Variants in TEN1 observed in about 807,000 individuals in gnomAD.
TEN1 encodes the protein TEN1 subunit of CST complex.
Under a neutral mutation model 9.3 loss-of-function variants are expected in TEN1, and 6 were observed. The observed-to-expected ratio is 0.65, with a 90% confidence interval of 0.35 to 1.27. TEN1 has a LOEUF of 1.27. Ranked by LOEUF, TEN1 falls within the 50% of genes most tolerant of loss-of-function variation. The probability of loss-of-function intolerance (pLI) is 0.03; values close to 1 mark genes in which losing one functional copy is unlikely to be tolerated. For missense variants in TEN1, 149 were observed against 158.2 expected (o/e 0.94, Z 0.31); for synonymous variants, 65 against 65.6 (o/e 0.99, Z 0.04).
At chr17:75,998,169 CT>C (rs1555622204) in intron 3 of TEN1, among the ~76,000 whole-genome samples, 406 of 135,646 alleles carry the variant, frequency 3.0e-3, no homozygotes, top group Middle Eastern at 0.027. Context: ...TTTTTTTTTC[CT>C]TTTTTTTTTT....
At chr17:75,989,053 G>A (rs545235938) in intron 2 of TEN1, among the ~76,000 whole-genome samples, 1 of 152,130 alleles carries the variant, frequency 6.6e-6, no homozygotes, top group African/African-American at 2.4e-5. Flanking sequence ...TTACAGGCGT[G>A]AGCCACCACG....
At chr17:75,980,793 C>A (rs529889852) in intron 1 of TEN1, among the ~76,000 whole-genome samples, 1 of 152,188 alleles carries the variant, frequency 6.6e-6, no homozygotes, top group Non-Finnish European at 1.5e-5. Context: ...GCATAACATT[C>A]ATAATTTGAA....
At chr17:75,980,515 C>A (rs2066110168) in intron 1 of TEN1, among the ~76,000 whole-genome samples, 2 of 151,848 alleles carry the variant, frequency 1.3e-5, no homozygotes, top group East Asian at 1.9e-4. Flanking sequence ...GCAACCTCCA[C>A]CCCCTGGGTT....
At chr17:75,986,331 AT>A in intron 2 of TEN1, 47 bp downstream of exon 2, 3 of 1,432,980 alleles carry the variant, frequency 2.1e-6, no homozygotes, top group Non-Finnish European at 2.8e-6. Flanking sequence ...GATATGTTAA[AT>A]GTCTTTCTCT....
chr17:75,981,044 C>G (rs2066115400), intron 1 of TEN1, among the ~76,000 whole-genome samples: 2 of 152,106 alleles, frequency 1.3e-5, no homozygotes, highest in South Asian at 4.1e-4. Flanking sequence ...CTTAATGTAA[C>G]AATGATAAGG....
At chr17:75,982,295 A>C (rs1215481367) in intron 1 of TEN1, among the ~76,000 whole-genome samples, 1 of 152,222 alleles carries the variant, frequency 6.6e-6, no homozygotes, top group East Asian at 1.9e-4. Context: ...AATCATTTGC[A>C]TAAAAATGTA....
rs1555621600 is a variant in TEN1, at chr17:75,991,164, A to AAG, written c.93-301_93-300insGA. Among the ~76,000 whole-genome samples the AAG allele has an allele frequency of 9.7e-4, 146 of 150,722 alleles. No homozygotes were observed. The Middle Eastern group carries it at 0.024, about 25-fold the overall frequency. On this transcript the variant is annotated intron_variant, in intron 2 of 3. Coordinates refer to ENST00000397640, the MANE Select transcript of TEN1 (RefSeq NM_001113324.3). ...GACTCCATCTCAAAAAAAAAAAAAA[A>AAG]AAAAGAAAAAAGAAAAAGAAAAAAA...
intron 2 of TEN1, among the ~76,000 whole-genome samples, chr17:75,988,254 AAAG>A (rs905536452): frequency 2.6e-5 from 4 of 151,664 alleles, no homozygotes; most frequent in East Asian, 1.9e-4. Context: ...AAAAAAAAAA[AAAG>A]AAGTATTTTA....
At chr17:75,989,629 G>C (rs1239435061) in intron 2 of TEN1, among the ~76,000 whole-genome samples, 1 of 151,782 alleles carries the variant, frequency 6.6e-6, no homozygotes, top group African/African-American at 2.4e-5. Flanking sequence ...TGGCCAGGAT[G>C]GTCTCCATCT....
chr17:75,990,965 T>C lies in TEN1; in HGVS notation c.93-501T>C, dbSNP rs1420781156. ...AGGAGTTGGAGACCAGCCTGGACAATATGGTAAAACCCCTTCTCTACTAAA... is the reference window on the plus strand; with the variant it reads ...AGGAGTTGGAGACCAGCCTGGACAACATGGTAAAACCCCTTCTCTACTAAA... On this transcript the variant is annotated intron_variant, in intron 2 of 3. Transcript: ENST00000397640. 3.3e-5 allele frequency among the ~76,000 whole-genome samples: 5 copies of C among 150,724 alleles called. No individual in the cohort carries two copies. In the East Asian group the frequency reaches 9.7e-4, roughly 29 times the overall value.
chr17:75,984,058 G>A lies in TEN1; in HGVS notation c.-6-2129G>A, dbSNP rs2066138023. On this transcript the variant is annotated intron_variant, in intron 1 of 3. Transcript: ENST00000397640. ...GGTTTCTCATTAGCTTTACAAAGGT[G>A]GCTGCGTTTTAGGGAAGGGCTATTT... Among the ~76,000 whole-genome samples the A allele has an allele frequency of 2.6e-5, 4 of 152,164 alleles. No individual in the cohort carries two copies. In the South Asian group the frequency reaches 8.3e-4, roughly 32 times the overall value.
At chr17:75,996,023 C>T (rs1056655875) in intron 3 of TEN1, among the ~76,000 whole-genome samples, 3 of 151,766 alleles carry the variant, frequency 2.0e-5, no homozygotes, top group African/African-American at 2.4e-5. Flanking sequence ...GGCAGGAGTT[C>T]GATGCTGCAG....
In TEN1 at chr17:75,979,322, T is replaced by A; in HGVS notation, c.-196T>A. ...TGGGGCCGGTCGCGGGGCAGACTAA[T>A]CCCCTGCTCCTGGCCAGGGGAGGCT... On this transcript the variant is annotated 5_prime_UTR_variant, in exon 1 of 4. Transcript: ENST00000397640. 3 of 596,046 alleles carry A rather than the reference T, an allele frequency of 5.0e-6. No individual in the cohort carries two copies. The highest frequency in any genetic ancestry group is 8.9e-6 in the Non-Finnish European group (3 of 335,462). The allele number at this position is 596,046 out of a possible 1,614,324, so 36.9% of individuals were successfully genotyped here.
chr17:75,983,136 C>T (rs1486538453), intron 1 of TEN1, among the ~76,000 whole-genome samples: 1 of 151,556 alleles, frequency 6.6e-6, no homozygotes, highest in Non-Finnish European at 1.5e-5. Flanking sequence ...CAAAAATTAG[C>T]CGGGCATGGT....
chr17:75,980,078 T>C (rs950875612), intron 1 of TEN1, among the ~76,000 whole-genome samples: 14 of 151,712 alleles, frequency 9.2e-5, no homozygotes, highest in Admixed American at 3.9e-4. Flanking sequence ...GGCTCACGCC[T>C]GGAATCCCAG....
At chr17:75,997,936 C>T (rs1332469585) in intron 3 of TEN1, among the ~76,000 whole-genome samples, 5 of 151,802 alleles carry the variant, frequency 3.3e-5, no homozygotes, top group African/African-American at 2.4e-5. Context: ...CTTACTGCAA[C>T]CTCTGCTTCC....
intron 3 of TEN1, 35 bp downstream of exon 3, chr17:75,991,658 G>A: frequency 6.5e-7 from 1 of 1,546,274 alleles, no homozygotes; most frequent in East Asian, 2.4e-5. Flanking sequence ...TTCTCATCCT[G>A]GGGCCTGAGC....
chr17:75,985,817 C>T (rs1674192724), intron 1 of TEN1, among the ~76,000 whole-genome samples: 1 of 151,980 alleles, frequency 6.6e-6, no homozygotes, highest in African/African-American at 2.4e-5. Context: ...AGCCACTGCA[C>T]CCGGCCATGT....
intron 2 of TEN1, among the ~76,000 whole-genome samples, chr17:75,989,273 T>G (rs1345068929): frequency 3.3e-5 from 5 of 150,930 alleles, no homozygotes; most frequent in African/African-American, 4.9e-5. Context: ...CTAATTTTTT[T>G]TTTTGTTTTT....
Sources: allele counts gnomAD v4.1 joint callset (sites outside exome capture counted in the v4.1 genomes callset), GRCh38; gene constraint gnomAD v4.1.1; transcripts MANE v1.5; gene names NCBI Gene and HGNC (gene_info 2026-07-23, HGNC 2026-07-21).